Variants in CDKL5 observed in about 807,000 individuals in gnomAD.
CDKL5 encodes cyclin dependent kinase like 5, also known as cyclin-dependent kinase-like 5.
A neutral mutation model predicts 61.7 loss-of-function variants in CDKL5; 8 were observed. The ratio of observed to expected loss-of-function variants is 0.13; its 90% CI spans 0.08 to 0.23. The LOEUF (loss-of-function observed/expected upper bound fraction) is 0.23, where lower values mean the gene tolerates loss of function less well. Among genes scored for constraint, CDKL5 ranks in the 10% least tolerant of loss-of-function variants. The pLI, the probability that CDKL5 is intolerant of heterozygous loss-of-function variation, is 1.00. For missense variants in CDKL5, 440 were observed against 734.5 expected, an observed-to-expected ratio of 0.60 and a Z score of 4.63; for synonymous variants, 275 against 272.3, an observed-to-expected ratio of 1.01 and a Z score of -0.10.
chrX:18,644,664 G>T, downstream of CDKL5: 1 of 1,180,727 alleles, frequency 8.5e-7, no homozygotes. Flanking sequence ...GACTCCCCCT[G>T]TGCATGTCTG....
intron 1 of CDKL5, among the ~76,000 whole-genome samples, chrX:18,455,084 C>T (rs752529575): frequency 5.4e-5 from 6 of 110,201 alleles, no homozygotes; most frequent in East Asian, 2.8e-4. Context: ...GACTGAAGTT[C>T]GGTGTCATCT....
chrX:18,524,976 A>G (rs1379602883), intron 3 of CDKL5, among the ~76,000 whole-genome samples: 1 of 111,594 alleles, frequency 9.0e-6, no homozygotes, highest in African/African-American at 3.3e-5. Context: ...AGGCTGCAAT[A>G]CAGTGATGCA....
chrX:18,515,974 C>T (rs1922999129), intron 3 of CDKL5, among the ~76,000 whole-genome samples: 1 of 109,314 alleles, frequency 9.1e-6, no homozygotes, highest in African/African-American at 3.3e-5. Context: ...TTCCTTCCTC[C>T]CTTCCTTCCT....
At chrX:18,544,011 T>G (rs1924110336) in intron 3 of CDKL5, among the ~76,000 whole-genome samples, 1 of 111,819 alleles carries the variant, frequency 8.9e-6, no homozygotes, top group African/African-American at 3.3e-5. Flanking sequence ...GGAGCTGCCA[T>G]CCAGTGGGTA....
intron 1 of CDKL5, among the ~76,000 whole-genome samples, chrX:18,504,364 C>G (rs747773476): frequency 3.8e-4 from 42 of 111,855 alleles, no homozygotes; most frequent in African/African-American, 1.3e-3. Flanking sequence ...CCTTGGCTTC[C>G]TAAAGTGCTG....
In CDKL5 at chrX:18,509,230, CA is replaced by C. The variant is rs1199765374; in HGVS notation, c.65-1589del. Among the ~76,000 whole-genome samples, 9 of 107,887 alleles carry C rather than the reference CA, an allele frequency of 8.3e-5. No individual in the cohort carries two copies. The East Asian group carries it at 1.2e-3, about 14-fold the overall frequency. The allele number at this position is 107,887 out of a possible 115,157, so 93.7% of individuals were successfully genotyped here. On this transcript the variant is annotated intron_variant, in intron 2 of 17. Coordinates refer to ENST00000623535, the MANE Select transcript of CDKL5 (RefSeq NM_001323289.2). ...ACACACACACACACACACACACACA[CA>C]CACACACACACACACCCCTGTCAAG...
intron 1 of CDKL5, among the ~76,000 whole-genome samples, chrX:18,439,045 G>GCCCCCCCCCC (rs367844172): frequency 5.2e-3 from 193 of 37,424 alleles, no homozygotes; most frequent in Non-Finnish European, 5.6e-3. Context: ...GCCCCTTTTT[G>GCCCCCCCCCC]CCCCCCCCCC....
chrX:18,528,525 G>A (rs1923528631), intron 3 of CDKL5, among the ~76,000 whole-genome samples: 1 of 110,223 alleles, frequency 9.1e-6, no homozygotes, highest in African/African-American at 3.3e-5. Flanking sequence ...CTCTTGATTA[G>A]TGTTATCGTG....
rs1204561636 is a variant in CDKL5 at position 18,509,197 on chromosome X, G to GCACGCGCGCGCGCACACACACACACACA, written c.65-1620_65-1619insGCGCGCGCGCACACACACACACACACAC. Among the ~76,000 whole-genome samples, 10 of 64,308 alleles carry GCACGCGCGCGCGCACACACACACACACA rather than the reference G, an allele frequency of 1.6e-4. No individual in the cohort carries two copies. The East Asian group carries it at 2.8e-3, about 18-fold the overall frequency. The allele number at this position is 64,308 out of a possible 115,157, so 55.8% of individuals were successfully genotyped here. The stretch of plus-strand genomic sequence containing the variant: ...AGAGAGCGAGACTGTCTCAAAACAC[G>GCACGCGCGCGCGCACACACACACACACA]CACACACACACACACACACACACAC... On this transcript the variant is annotated intron_variant, in intron 2 of 17. Coordinates refer to ENST00000623535, the MANE Select transcript of CDKL5 (RefSeq NM_001323289.2).
At position 18,579,750 on chromosome X, in the gene CDKL5, T is replaced by C; in HGVS notation, c.283-98T>C. On this transcript the variant is annotated intron_variant, in intron 5 of 17. Coordinates refer to ENST00000623535, the MANE Select transcript of CDKL5 (RefSeq NM_001323289.2). Reference sequence around the variant, plus strand: ...GCAAAACAATTAAAAAAAAAAGCTCTGTATTGGATGAATTATTCTAGATGC... The same window carrying C: ...GCAAAACAATTAAAAAAAAAAGCTCCGTATTGGATGAATTATTCTAGATGC... 3 of 807,457 alleles carry C rather than the reference T, an allele frequency of 3.7e-6. No homozygotes were observed. In the Admixed American group the frequency reaches 7.7e-5, roughly 21 times the overall value. 66.5% of individuals were successfully genotyped at this position (807,457 alleles called of 1,213,427 possible). A position where few individuals can be genotyped will look rare whatever the true frequency, so the allele number is the denominator to read the frequency against.
chrX:18,652,573 A>G (rs769366791), intron 21 of CDKL5, among the ~76,000 whole-genome samples: 5 of 111,389 alleles, frequency 4.5e-5, no homozygotes, highest in Non-Finnish European at 9.4e-5. Context: ...GGAGGCTGAA[A>G]CAGGAGAATC....
At chrX:18,612,668 AG>A (rs201481733) in intron 14 of CDKL5, among the ~76,000 whole-genome samples, 210 of 104,008 alleles carry the variant, frequency 2.0e-3, no homozygotes, top group African/African-American at 7.4e-3. Context: ...AAAAAAAAAA[AG>A]AGAGAGAGAA....
chrX:18,646,759 G>A (rs1927790524), intron 20 of CDKL5, among the ~76,000 whole-genome samples: 1 of 111,066 alleles, frequency 9.0e-6, no homozygotes, highest in Non-Finnish European at 1.9e-5. Flanking sequence ...TGTACCCCAC[G>A]CCTCTTCCCC....
chrX:18,648,684 C>G (rs745837050), intron 20 of CDKL5, among the ~76,000 whole-genome samples: 4 of 112,132 alleles, frequency 3.6e-5, no homozygotes, highest in African/African-American at 1.3e-4. Flanking sequence ...TAAAGACTGC[C>G]TGCTGGGATT....
At position 18,640,131 on chromosome X, in the gene CDKL5, T is replaced by C. The variant is rs770170712; in HGVS notation, c.*11374T>C. 1 of 111,516 alleles carries C rather than the reference T, an allele frequency of 9.0e-6. No homozygotes were observed. The highest frequency in any genetic ancestry group is 9.5e-5 in the Admixed American group (1 of 10,489). The allele number at this position is 111,516 out of a possible 1,213,427, so 9.2% of individuals were successfully genotyped here. A position where few individuals can be genotyped will look rare whatever the true frequency, so the allele number is the denominator to read the frequency against. ...CCAAAAGTCATCAAATTGTACACTT[T>C]AAATGGATACAAATTGTATGTGAAC... On this transcript the variant is annotated 3_prime_UTR_variant, in exon 18 of 18. Coordinates refer to ENST00000623535, the MANE Select transcript of CDKL5 (RefSeq NM_001323289.2).
intron 3 of CDKL5, 142 bp from the exon 4 acceptor site, chrX:18,564,335 G>T: frequency 6.0e-6 from 2 of 332,960 alleles, no homozygotes; most frequent in Non-Finnish European, 1.1e-5. Flanking sequence ...GAAATGAGAG[G>T]TGGCGGGGGA....
intron 1 of CDKL5, among the ~76,000 whole-genome samples, chrX:18,433,827 T>C (rs1171942381): frequency 8.9e-6 from 1 of 112,389 alleles, no homozygotes; most frequent in Non-Finnish European, 1.9e-5. Context: ...TACTTTCAAA[T>C]GTAAGAGCAC....
chrX:18,606,251 C>G (rs1050901207), intron 12 of CDKL5, among the ~76,000 whole-genome samples: 2 of 111,391 alleles, frequency 1.8e-5, no homozygotes, highest in Non-Finnish European at 3.8e-5. Context: ...CAATATGGCA[C>G]TGGCTATAAA....
At chrX:18,441,577 G>A (rs1931744638) in intron 1 of CDKL5, among the ~76,000 whole-genome samples, 1 of 111,577 alleles carries the variant, frequency 9.0e-6, no homozygotes, top group Non-Finnish European at 1.9e-5. Context: ...GCAAAATGAT[G>A]TTAGTCATGC....
Sources: allele counts gnomAD v4.1 joint callset (sites outside exome capture counted in the v4.1 genomes callset), GRCh38; gene constraint gnomAD v4.1.1; transcripts MANE v1.5; gene names NCBI Gene and HGNC (gene_info 2026-07-23, HGNC 2026-07-21).